Variants in GABBR2 observed in about 807,000 individuals in gnomAD.
GABBR2 encodes the protein G-protein coupled receptor 51.
Under a neutral mutation model 105.6 loss-of-function variants are expected in GABBR2, and 23 were observed. The ratio of observed to expected loss-of-function variants is 0.22; its 90% CI spans 0.16 to 0.31. The LOEUF is 0.31. Among genes scored for constraint, GABBR2 ranks in the 10% least tolerant of loss-of-function variants. GABBR2 has a pLI of 1.00. For synonymous variants in GABBR2, 478 were observed against 499.7 expected (o/e 0.96, Z 0.58); for missense variants, 734 against 1,245.5 (o/e 0.59, Z 6.18).
chr9:98,442,086 A>G (rs1826042310), intron 7 of GABBR2, among the ~76,000 whole-genome samples: 1 of 152,236 alleles, frequency 6.6e-6, no homozygotes, highest in African/African-American at 2.4e-5. Context: ...ATGTATTAAT[A>G]TATGTTATTT....
At position 98,345,344 on chromosome 9, in the gene GABBR2, A is replaced by C. The variant is rs1284620936; in HGVS notation, c.1893+17371T>G. Among the ~76,000 whole-genome samples the C allele has an allele frequency of 2.0e-5, 3 of 152,196 alleles. No individual in the cohort carries two copies. In the East Asian group the frequency reaches 5.8e-4, roughly 29 times the overall value. On this transcript the variant is annotated intron_variant, in intron 13 of 18. Coordinates refer to ENST00000259455, the MANE Select transcript of GABBR2 (RefSeq NM_005458.8). ...TGAAGTTTAAACTCCTCTTCTTAGC[A>C]CACAAGATCCCTAACAATCTTAGCT...
chr9:98,432,476 G>C (rs1369344221), intron 7 of GABBR2, among the ~76,000 whole-genome samples: 1 of 152,108 alleles, frequency 6.6e-6, no homozygotes, highest in East Asian at 1.9e-4. Context: ...GGTGGAAGAG[G>C]GGTATAAAAC....
At chr9:98,317,523 G>A (rs937529944) in intron 13 of GABBR2, among the ~76,000 whole-genome samples, 4 of 152,198 alleles carry the variant, frequency 2.6e-5, no homozygotes, top group Non-Finnish European at 5.9e-5. Flanking sequence ...GTGATCTTGG[G>A]CAAATCCCTG....
At chr9:98,439,588 T>C (rs758967263) in intron 7 of GABBR2, among the ~76,000 whole-genome samples, 2 of 152,190 alleles carry the variant, frequency 1.3e-5, no homozygotes, top group Non-Finnish European at 2.9e-5. Context: ...ATGATGAATA[T>C]GAATACCCAT....
At chr9:98,706,115 A>ACC (rs1564156829) in intron 1 of GABBR2, among the ~76,000 whole-genome samples, 2 of 36,394 alleles carry the variant, frequency 5.5e-5, no homozygotes, top group Admixed American at 4.2e-4. Context: ...AAAACAAAAA[A>ACC]AAAAAAAAAA....
intron 2 of GABBR2, among the ~76,000 whole-genome samples, chr9:98,573,743 C>T (rs1474400781): frequency 1.3e-5 from 2 of 152,196 alleles, no homozygotes; most frequent in South Asian, 2.1e-4. Context: ...TCTCAACCTT[C>T]GTTTCACTGT....
chr9:98,434,978 G>C (rs975284909), intron 7 of GABBR2, among the ~76,000 whole-genome samples: 21 of 152,218 alleles, frequency 1.4e-4, no homozygotes, highest in African/African-American at 4.8e-4. Context: ...GTAACCTCAT[G>C]TGTAGACCTA....
At chr9:98,630,516 A>G (rs1357517507) in intron 1 of GABBR2, among the ~76,000 whole-genome samples, 7 of 152,210 alleles carry the variant, frequency 4.6e-5, no homozygotes, top group Non-Finnish European at 1.0e-4. Flanking sequence ...CCAAAGACCT[A>G]CTGAGGCAGG....
intron 13 of GABBR2, among the ~76,000 whole-genome samples, chr9:98,361,524 G>A (rs1331070282): frequency 6.6e-6 from 1 of 152,162 alleles, no homozygotes; most frequent in Admixed American, 6.5e-5. Context: ...TGGGATGAAG[G>A]GGGCATTCCC....
intron 7 of GABBR2, among the ~76,000 whole-genome samples, chr9:98,452,595 G>A (rs1266124960): frequency 1.3e-5 from 2 of 152,192 alleles, no homozygotes; most frequent in African/African-American, 4.8e-5. Flanking sequence ...AGAATTTATT[G>A]AGTGCCTGCT....
chr9:98,567,069 G>A (rs985365927), intron 2 of GABBR2, among the ~76,000 whole-genome samples: 10 of 152,132 alleles, frequency 6.6e-5, no homozygotes, highest in Non-Finnish European at 1.0e-4. Context: ...CAATTGTGCC[G>A]ATCACTAGCA....
At chr9:98,594,505 G>A (rs1319297930) in intron 1 of GABBR2, among the ~76,000 whole-genome samples, 2 of 152,172 alleles carry the variant, frequency 1.3e-5, no homozygotes, top group Non-Finnish European at 2.9e-5. Flanking sequence ...GAAGGGAGGG[G>A]CTCTGGGAGA....
At chr9:98,690,960 T>G (rs1412788522) in intron 1 of GABBR2, among the ~76,000 whole-genome samples, 1 of 152,214 alleles carries the variant, frequency 6.6e-6, no homozygotes, top group Non-Finnish European at 1.5e-5. Context: ...CCACAACAGT[T>G]ATATCAGCAC....
chr9:98,377,432 C>T (rs556897977), intron 11 of GABBR2, among the ~76,000 whole-genome samples: 35 of 152,310 alleles, frequency 2.3e-4, no homozygotes, highest in African/African-American at 7.7e-4. Flanking sequence ...AGAGGGGTCC[C>T]TTATTTTAAG....
chr9:98,317,106 C>A (rs1830731520), intron 13 of GABBR2, among the ~76,000 whole-genome samples: 1 of 152,174 alleles, frequency 6.6e-6, no homozygotes, highest in African/African-American at 2.4e-5. Context: ...CCCCTGAAGC[C>A]CCCAGAGCTT....
At chr9:98,386,363 G>A (rs1249740923) in intron 10 of GABBR2, among the ~76,000 whole-genome samples, 1 of 152,132 alleles carries the variant, frequency 6.6e-6, no homozygotes, top group Non-Finnish European at 1.5e-5. Flanking sequence ...GCCTAACTGT[G>A]AGTCTCAGGG....
intron 6 of GABBR2, among the ~76,000 whole-genome samples, chr9:98,465,430 T>C (rs1826528525): frequency 6.6e-6 from 1 of 152,200 alleles, no homozygotes; most frequent in African/African-American, 2.4e-5. Flanking sequence ...GGTAAAACAA[T>C]AGAGTTTCTA....
chr9:98,684,251 T>C (rs1830593709), intron 1 of GABBR2, among the ~76,000 whole-genome samples: 1 of 149,862 alleles, frequency 6.7e-6, no homozygotes, highest in South Asian at 2.1e-4. Flanking sequence ...AAGTCTATTT[T>C]TTTTAAGTCT....
chr9:98,517,321 C>T (rs2779567), intron 3 of GABBR2, among the ~76,000 whole-genome samples: 73,309 of 151,944 alleles, frequency 0.48, 18,266 homozygotes, highest in East Asian at 0.76. Context: ...ACCTTTCCCA[C>T]CCCTTCCTGT....
Sources: allele counts gnomAD v4.1 joint callset (sites outside exome capture counted in the v4.1 genomes callset), GRCh38; gene constraint gnomAD v4.1.1; transcripts MANE v1.5; gene names NCBI Gene and HGNC (gene_info 2026-07-23, HGNC 2026-07-21).